MICAL2: variants seen among roughly 807,000 people sequenced by gnomAD.
MICAL2 encodes the protein microtubule associated monooxygenase, calponin and LIM domain containing 2, also known as [F-actin]-monooxygenase MICAL2.
A neutral mutation model predicts 127.3 loss-of-function variants in MICAL2; 77 were observed. The observed-to-expected ratio is 0.60, with a 90% CI of 0.50 to 0.73. The LOEUF is 0.73. MICAL2 is among the 30% of genes least tolerant of loss of function. The pLI is 0.00. For synonymous variants in MICAL2, 570 were observed against 551.1 expected, an observed-to-expected ratio of 1.03 and a Z score of -0.48; for missense variants, 1,351 against 1,434.4, an observed-to-expected ratio of 0.94 and a Z score of 0.94.
chr11:12,148,213 G>A (rs1319220473), intron 2 of MICAL2, among the ~76,000 whole-genome samples: 1 of 152,130 alleles, frequency 6.6e-6, no homozygotes, highest in Non-Finnish European at 1.5e-5. Context: ...GCTCCTAGGG[G>A]GCACAGCTTG....
chr11:12,327,940 C>T (rs1373961673), intron 32 of MICAL2, among the ~76,000 whole-genome samples: 1 of 151,948 alleles, frequency 6.6e-6, no homozygotes, highest in Non-Finnish European at 1.5e-5. Flanking sequence ...ACCTGTACGA[C>T]CTTGGGCCAG....
At chr11:12,222,028 G>A (rs1195890557) in intron 10 of MICAL2, among the ~76,000 whole-genome samples, 1 of 152,188 alleles carries the variant, frequency 6.6e-6, no homozygotes, top group Non-Finnish European at 1.5e-5. Context: ...CCTGCAGCTG[G>A]GGCTCCCCAG....
chr11:12,331,492 A>C (rs189908684), intron 32 of MICAL2, among the ~76,000 whole-genome samples: 153 of 152,270 alleles, frequency 1.0e-3, no homozygotes, highest in African/African-American at 3.6e-3. Context: ...GCAGGAGCAC[A>C]CATTATGTGA....
At chr11:12,242,901 T>A (rs1032044188) in intron 20 of MICAL2, 129 bp downstream of exon 20, 2 of 601,234 alleles carry the variant, frequency 3.3e-6, no homozygotes, top group Admixed American at 4.0e-5. Context: ...TCTTTATTTT[T>A]CAAGCCACCA....
intron 8 of MICAL2, 36 bp from the exon 9 acceptor site, chr11:12,220,165 G>T (rs1388943803): frequency 1.2e-6 from 2 of 1,611,950 alleles, no homozygotes; most frequent in Admixed American, 3.3e-5. Context: ...CCCTTTAGAG[G>T]GGGAGGTTGC....
At chr11:12,290,552 G>A (rs570549503), downstream of MICAL2, among the ~76,000 whole-genome samples, 88 of 152,224 alleles carry the variant, frequency 5.8e-4, no homozygotes, top group African/African-American at 2.1e-3. Context: ...GGGAAGCAAG[G>A]CAAGGACTGA....
chr11:12,317,720 A>G (rs1864246711), intron 29 of MICAL2, among the ~76,000 whole-genome samples: 1 of 151,650 alleles, frequency 6.6e-6, no homozygotes, highest in African/African-American at 2.4e-5. Flanking sequence ...TGAACCCGGG[A>G]GGCGGAGGTT....
intron 29 of MICAL2, among the ~76,000 whole-genome samples, chr11:12,305,388 C>A (rs770436493): frequency 9.2e-5 from 14 of 152,126 alleles, no homozygotes; most frequent in Non-Finnish European, 1.9e-4. Context: ...CCAATCACTT[C>A]CCTCTCTCAA....
intron 3 of MICAL2, among the ~76,000 whole-genome samples, chr11:12,162,659 A>G (rs1253486780): frequency 6.6e-6 from 1 of 152,212 alleles, no homozygotes; most frequent in African/African-American, 2.4e-5. Context: ...GAGGGAGAGA[A>G]GCCCATGCTT....
At chr11:12,347,774 C>G (rs1938978980) in intron 32 of MICAL2, among the ~76,000 whole-genome samples, 1 of 152,076 alleles carries the variant, frequency 6.6e-6, no homozygotes, top group African/African-American at 2.4e-5. Flanking sequence ...TATGCAAATA[C>G]AGTCACCTCT....
At chr11:12,261,749 G>T (rs1319724228) in intron 26 of MICAL2, 1 of 985,332 alleles carries the variant, frequency 1.0e-6, no homozygotes, top group Non-Finnish European at 1.2e-6. Flanking sequence ...CAGAGGCATG[G>T]CCGTGGCCAA....
Position 12,229,557 on chromosome 11 carries a change from C to T in MICAL2, c.1995+2426C>T, listed in dbSNP as rs75119567. 5.6e-4 allele frequency among the ~76,000 whole-genome samples: 86 copies of T among 152,304 alleles called. 1 individual carries two copies. Among genetic ancestry groups the T allele is most frequent in the African/African-American group, 2.0e-3 (84 of 41,562 alleles). ...ACATTTACTGCCTTTCTCCATTCACCGCGTTTCTGCCACTTGGCCCTCAGA... is the reference window on the plus strand; with the variant it reads ...ACATTTACTGCCTTTCTCCATTCACTGCGTTTCTGCCACTTGGCCCTCAGA... On this transcript the variant is annotated intron_variant, in intron 15 of 27. Transcript: ENST00000683283.
At chr11:12,192,037 A>G (rs1401455709) in intron 3 of MICAL2, among the ~76,000 whole-genome samples, 1 of 149,344 alleles carries the variant, frequency 6.7e-6, no homozygotes, top group Non-Finnish European at 1.5e-5. Flanking sequence ...ACTTCTTGGA[A>G]CCCCCACCCC....
intron 5 of MICAL2, among the ~76,000 whole-genome samples, 172 bp from the exon 6 acceptor site, chr11:12,209,325 G>T (rs777604208): frequency 3.9e-5 from 6 of 152,170 alleles, no homozygotes; most frequent in Non-Finnish European, 8.8e-5. Context: ...CAGGTCAGAG[G>T]ACACCAGATT....
intron 32 of MICAL2, among the ~76,000 whole-genome samples, chr11:12,332,281 G>C (rs1373552763): frequency 6.6e-6 from 1 of 152,200 alleles, no homozygotes; most frequent in Non-Finnish European, 1.5e-5. Flanking sequence ...TCCATCATTA[G>C]ACATGGCTGG....
chr11:12,300,682 CTGAA>C (rs757947214), intron 29 of MICAL2, among the ~76,000 whole-genome samples: 20 of 152,318 alleles, frequency 1.3e-4, no homozygotes, highest in Admixed American at 5.2e-4. Context: ...TGCCAACAAA[CTGAA>C]TGTGCTTGGA....
chr11:12,249,539 A>G (rs1344471194), intron 22 of MICAL2, among the ~76,000 whole-genome samples: 1 of 152,254 alleles, frequency 6.6e-6, no homozygotes, highest in Non-Finnish European at 1.5e-5. Flanking sequence ...AATCAGATCC[A>G]ACAGGCTGTC....
downstream of MICAL2, chr11:12,294,945 T>C (rs1264873200): frequency 7.3e-7 from 1 of 1,365,348 alleles, no homozygotes; most frequent in Non-Finnish European, 9.4e-7. Flanking sequence ...ATCTTTCACT[T>C]CGTTTTGCTT....
chr11:12,160,232 T>C (rs1265974805), intron 2 of MICAL2, among the ~76,000 whole-genome samples: 1 of 152,204 alleles, frequency 6.6e-6, no homozygotes, highest in African/African-American at 2.4e-5. Flanking sequence ...TGGCAGGTGG[T>C]GCCCAGTGGG....
Sources: allele counts gnomAD v4.1 joint callset (sites outside exome capture counted in the v4.1 genomes callset), GRCh38; gene constraint gnomAD v4.1.1; transcripts MANE v1.5; gene names NCBI Gene and HGNC (gene_info 2026-07-23, HGNC 2026-07-21).